GNAQ: variants seen among roughly 807,000 people sequenced by gnomAD.
GNAQ encodes the protein G protein subunit alpha q.
GNAQ carries 8 observed loss-of-function variants against 43.9 expected under a neutral mutation model. That is an observed-to-expected ratio of 0.18 (90% CI 0.11 to 0.33). The LOEUF is 0.33. Among genes scored for constraint, GNAQ ranks in the 10% least tolerant of loss-of-function variants. The pLI, the probability that GNAQ is intolerant of heterozygous loss-of-function variation, is 1.00. For synonymous variants in GNAQ, 155 were observed against 170.7 expected (o/e 0.91, Z 0.71); for missense variants, 158 against 450.8 (o/e 0.35, Z 5.88).
chr9:78,019,721 G>C (rs1417016123), intron 1 of GNAQ, among the ~76,000 whole-genome samples: 1 of 152,020 alleles, frequency 6.6e-6, no homozygotes, highest in Non-Finnish European at 1.5e-5. Flanking sequence ...TCAGGAGTTT[G>C]AGAGGAGCCT....
At chr9:77,937,774 C>G (rs1829253919) in intron 1 of GNAQ, among the ~76,000 whole-genome samples, 1 of 152,112 alleles carries the variant, frequency 6.6e-6, no homozygotes, top group African/African-American at 2.4e-5. Flanking sequence ...TGCCTGTAGT[C>G]CCAGCTACTC....
chr9:77,973,687 T>G (rs1823266066), intron 1 of GNAQ, among the ~76,000 whole-genome samples: 2 of 152,102 alleles, frequency 1.3e-5, no homozygotes, highest in East Asian at 3.9e-4. Flanking sequence ...CATGGTGGCG[T>G]GTGCCTATGA....
At chr9:77,766,597 G>A (rs1350425544) in intron 5 of GNAQ, among the ~76,000 whole-genome samples, 1 of 152,086 alleles carries the variant, frequency 6.6e-6, no homozygotes, top group Non-Finnish European at 1.5e-5. Flanking sequence ...TGTTTGCTGT[G>A]TTCCAGGCTG....
At chr9:77,740,955 C>T (rs1273278896) in intron 5 of GNAQ, among the ~76,000 whole-genome samples, 7 of 152,194 alleles carry the variant, frequency 4.6e-5, no homozygotes, top group Non-Finnish European at 8.8e-5. Context: ...CAGGAAAGCA[C>T]CTCTAGACAA....
At chr9:77,849,656 T>A (rs1254289861) in intron 2 of GNAQ, among the ~76,000 whole-genome samples, 1 of 152,122 alleles carries the variant, frequency 6.6e-6, no homozygotes, top group Non-Finnish European at 1.5e-5. Context: ...CAGGAGATGA[T>A]CGAATCCAAG....
intron 1 of GNAQ, among the ~76,000 whole-genome samples, chr9:77,946,238 AG>A (rs1339457246): frequency 1.3e-4 from 20 of 152,332 alleles, no homozygotes; most frequent in African/African-American, 4.1e-4. Context: ...GTCCAGAAAA[AG>A]GGTTCCTAGG....
At chr9:77,770,976 C>A (rs930597069) in intron 5 of GNAQ, among the ~76,000 whole-genome samples, 4 of 151,884 alleles carry the variant, frequency 2.6e-5, no homozygotes, top group East Asian at 1.9e-4. Flanking sequence ...ATTTTCAGAT[C>A]ATGAAAAATA....
intron 1 of GNAQ, among the ~76,000 whole-genome samples, chr9:77,986,404 C>T (rs1048309233): frequency 3.9e-5 from 6 of 152,190 alleles, no homozygotes; most frequent in African/African-American, 1.4e-4. Context: ...AGCAGCAACC[C>T]TCAAACCTAA....
At chr9:78,005,818 A>C (rs547831502) in intron 1 of GNAQ, among the ~76,000 whole-genome samples, 59 of 152,302 alleles carry the variant, frequency 3.9e-4, no homozygotes, top group Non-Finnish European at 5.0e-4. Flanking sequence ...ATTCACCTGG[A>C]AGACTCGCCC....
intron 2 of GNAQ, among the ~76,000 whole-genome samples, chr9:77,820,984 A>G (rs1241691839): frequency 6.6e-6 from 1 of 152,216 alleles, no homozygotes; most frequent in African/African-American, 2.4e-5. Flanking sequence ...TATTTCAACA[A>G]ATATTTATCG....
At chr9:77,723,663 T>G (rs1216208022) in intron 6 of GNAQ, among the ~76,000 whole-genome samples, 1 of 152,198 alleles carries the variant, frequency 6.6e-6, no homozygotes, top group Non-Finnish European at 1.5e-5. Flanking sequence ...GTGAGAACAT[T>G]ATAATAAATA....
At chr9:77,941,646 A>G (rs1405256469) in intron 1 of GNAQ, among the ~76,000 whole-genome samples, 2 of 152,202 alleles carry the variant, frequency 1.3e-5, no homozygotes, top group Non-Finnish European at 2.9e-5. Context: ...TGTTGCAAAT[A>G]TTAGCTATTG....
intron 1 of GNAQ, among the ~76,000 whole-genome samples, chr9:78,001,586 C>CT (rs72077017): frequency 0.065 from 9,127 of 141,386 alleles, 302 homozygotes; most frequent in African/African-American, 0.072. Flanking sequence ...CTTCTTTGTA[C>CT]TTTTTTTTTT....
intron 5 of GNAQ, among the ~76,000 whole-genome samples, chr9:77,768,729 G>A (rs909911927): frequency 6.6e-5 from 10 of 152,264 alleles, no homozygotes; most frequent in Middle Eastern, 3.4e-3. Context: ...AACCACTCAG[G>A]AGTCCTAAAG....
At chr9:77,936,477 C>T (rs979141521) in intron 1 of GNAQ, among the ~76,000 whole-genome samples, 2 of 152,044 alleles carry the variant, frequency 1.3e-5, no homozygotes, top group African/African-American at 4.8e-5. Flanking sequence ...TATATGCAAC[C>T]TTCCCCCTGA....
chr9:77,792,121 T>C (rs1175797744), intron 5 of GNAQ, among the ~76,000 whole-genome samples: 1 of 152,160 alleles, frequency 6.6e-6, no homozygotes, highest in Non-Finnish European at 1.5e-5. Flanking sequence ...GTGGCTAATA[T>C]GGATGAAGGA....
intron 5 of GNAQ, among the ~76,000 whole-genome samples, chr9:77,772,023 A>T: frequency 6.6e-6 from 1 of 152,222 alleles, no homozygotes; most frequent in Non-Finnish European, 1.5e-5. Flanking sequence ...GAAGAATAAG[A>T]TCCTAGTAGC....
At chr9:77,971,323 C>T (rs1184352864) in intron 1 of GNAQ, among the ~76,000 whole-genome samples, 1 of 151,960 alleles carries the variant, frequency 6.6e-6, no homozygotes, top group African/African-American at 2.4e-5. Context: ...AGAGACACAA[C>T]AAAAAAAGAG....
chr9:77,833,774 T>C (rs1208036184), intron 2 of GNAQ, among the ~76,000 whole-genome samples: 1 of 152,208 alleles, frequency 6.6e-6, no homozygotes, highest in Non-Finnish European at 1.5e-5. Context: ...ATTCTTATAC[T>C]TGTTTTATGT....
Sources: gnomAD v4.1 joint callset for allele counts (sites outside exome capture counted in the v4.1 genomes callset) on GRCh38, gnomAD v4.1.1 for gene constraint, MANE v1.5 for transcripts, NCBI Gene and HGNC (gene_info 2026-07-23, HGNC 2026-07-21) for gene names.